Variants in OGDH observed in about 807,000 individuals in gnomAD.
The protein encoded by OGDH is 2-oxoglutarate dehydrogenase complex component E1.
A neutral mutation model predicts 116.6 loss-of-function variants in OGDH; 38 were observed. The ratio of observed to expected loss-of-function variants is 0.33; its 90% CI spans 0.25 to 0.43. The LOEUF (loss-of-function observed/expected upper bound fraction) is 0.43, where lower values mean the gene tolerates loss of function less well. Among genes scored for constraint, OGDH ranks in the 20% least tolerant of loss-of-function variants. The pLI is 1.00. For missense variants in OGDH, 825 were observed against 1,357.2 expected (o/e 0.61, Z 6.16); for synonymous variants, 488 against 533.3 (o/e 0.92, Z 1.17).
rs984777036 is a variant in OGDH at position 44,707,210 on chromosome 7, G to A, written c.2633-15G>A. 6 of 1,613,396 alleles carry A rather than the reference G, an allele frequency of 3.7e-6. No individual in the cohort carries two copies. In the African/African-American group the frequency reaches 8.0e-5, roughly 22 times the overall value. On this transcript the variant is annotated splice_polypyrimidine_tract_variant and intron_variant, in intron 20 of 22. Coordinates refer to ENST00000222673, the MANE Select transcript of OGDH (RefSeq NM_002541.4). The surrounding 1 kb of genome is among the most constrained non-coding windows in gnomAD (Gnocchi z 5.2). ...ACCTGAGAGAACCAGCCTAGCCATG[G>A]GAACTCTCTTGTAGGAACCCACTTC... is the stretch of plus-strand genomic sequence containing the variant.
In OGDH at chr7:44,637,232, TCTC is replaced by T. The variant is rs1259481199; in HGVS notation, c.223-8088_223-8086del. Among the ~76,000 whole-genome samples the T allele has an allele frequency of 3.9e-5, 6 of 152,248 alleles. No individual in the cohort carries two copies. In the East Asian group the frequency reaches 9.6e-4, roughly 24 times the overall value. ...ATTCTCTTTGGCCAAATGTCTTCTCTCTCCTCCTCAGGCTCTGCAGGCCTTACC... is the reference window on the plus strand; with the variant it reads ...ATTCTCTTTGGCCAAATGTCTTCTCTCTCCTCAGGCTCTGCAGGCCTTACC... On this transcript the variant is annotated intron_variant, in intron 2 of 22. Transcript: ENST00000222673.
intron 2 of OGDH, among the ~76,000 whole-genome samples, chr7:44,632,200 A>C (rs1449371350): frequency 6.6e-6 from 1 of 152,154 alleles, no homozygotes; most frequent in Admixed American, 6.5e-5. Context: ...TGGGATCCCC[A>C]AGAGCAGGAG....
chr7:44,627,023 G>A (rs886224376), intron 2 of OGDH, among the ~76,000 whole-genome samples: 1 of 152,110 alleles, frequency 6.6e-6, no homozygotes, highest in Admixed American at 6.5e-5. Flanking sequence ...TTGAGATGGA[G>A]TCTCACTCTG....
chr7:44,681,833 G>A lies in OGDH; in HGVS notation c.1320G>A (p.Val440=), dbSNP rs1290774389. 6.2e-7 allele frequency: 1 copy of A among 1,614,138 alleles called. No homozygotes were observed. The highest frequency in any genetic ancestry group is 8.5e-7 in the Non-Finnish European group (1 of 1,180,042). ...PSYTTHGTVH[V]VVNNQIGFTT... ...ACACAACTCATGGCACCGTGCACGT[G>A]GTCGTCAACAACCAGGTACCTCACA... Residue 440 remains valine, a synonymous_variant, in exon 10 of 23, where the codon GTG becomes GTA. Coordinates refer to ENST00000222673, the MANE Select transcript of OGDH (RefSeq NM_002541.4).
intron 2 of OGDH, among the ~76,000 whole-genome samples, chr7:44,641,226 T>C (rs1451280830): frequency 1.5e-4 from 12 of 80,112 alleles, no homozygotes; most frequent in South Asian, 1.5e-3. Context: ...TTTTTTTTTC[T>C]TTTTTTTTTT....
In OGDH at chr7:44,647,707, T is replaced by C. The variant is rs1224733821; in HGVS notation, c.465T>C (p.Ala155=). 6.2e-7 allele frequency: 1 copy of C among 1,614,142 alleles called. No homozygotes were observed. The highest frequency in any genetic ancestry group is 1.7e-5 in the Admixed American group (1 of 60,010). ...TGGACCCCCTGGGGATTTTGGATGC[T>C]GATCTGGACTCCTCCGTGCCCGCTG... is the stretch of plus-strand genomic sequence containing the variant. ...AQLDPLGILD[A]DLDSSVPADI... Residue 155 remains alanine (A), a synonymous_variant, in exon 4 of 23, where the codon GCT becomes GCC. Coordinates refer to ENST00000222673, the MANE Select transcript of OGDH (RefSeq NM_002541.4).
At chr7:44,672,497 C>T (rs1411222120) in intron 5 of OGDH, among the ~76,000 whole-genome samples, 1 of 152,114 alleles carries the variant, frequency 6.6e-6, no homozygotes, top group African/African-American at 2.4e-5. Context: ...CACATTAGGG[C>T]CTATCTTCTT....
intron 10 of OGDH, among the ~76,000 whole-genome samples, chr7:44,689,134 T>G (rs911590407): frequency 8.5e-5 from 13 of 152,070 alleles, no homozygotes; most frequent in Non-Finnish European, 1.9e-4. Context: ...GTGTTCAACT[T>G]TTTGTGGAAA....
intron 2 of OGDH, among the ~76,000 whole-genome samples, chr7:44,625,740 A>G (rs1308400507): frequency 6.6e-6 from 1 of 152,178 alleles, no homozygotes; most frequent in Non-Finnish European, 1.5e-5. Flanking sequence ...GCTTATCACC[A>G]AAAGGAAGTC....
chr7:44,672,092 AATT>A (rs1435920904), intron 5 of OGDH, among the ~76,000 whole-genome samples: 3 of 151,894 alleles, frequency 2.0e-5, no homozygotes, highest in African/African-American at 7.3e-5. Flanking sequence ...TTAATTAATT[AATT>A]AAAAAAAAAA....
chr7:44,705,838 T>C (rs552718623), intron 20 of OGDH, among the ~76,000 whole-genome samples: 4 of 152,362 alleles, frequency 2.6e-5, no homozygotes, highest in African/African-American at 9.6e-5. Flanking sequence ...GGTATTAGGG[T>C]GTCCGTCACC....
In OGDH at chr7:44,619,919, C is replaced by T. The variant is rs563523749; in HGVS notation, c.-27-4398C>T. Among the ~76,000 whole-genome samples the T allele has an allele frequency of 7.2e-4, 110 of 152,158 alleles. 2 individuals carry two copies. The highest frequency in any genetic ancestry group is 2.6e-3 in the African/African-American group (106 of 41,520). ...TTTTTACTGTTGCATTATGAGAGTT[C>T]TTTATATATTCTGTATATAAGTTCC... On this transcript the variant is annotated intron_variant, in intron 1 of 22. Coordinates refer to ENST00000222673, the MANE Select transcript of OGDH (RefSeq NM_002541.4).
chr7:44,626,303 C>T (rs1243721670), intron 2 of OGDH, among the ~76,000 whole-genome samples: 2 of 142,814 alleles, frequency 1.4e-5, no homozygotes, highest in Non-Finnish European at 3.0e-5. Context: ...ACACACACAC[C>T]CCTACACACA....
chr7:44,647,373 C>G, intron 3 of OGDH: 3 of 1,022,096 alleles, frequency 2.9e-6, no homozygotes, highest in Non-Finnish European at 4.4e-6. Flanking sequence ...TTTGCATAAC[C>G]TGTGACTCTT....
intron 2 of OGDH, among the ~76,000 whole-genome samples, chr7:44,641,738 A>T (rs971955964): frequency 6.6e-6 from 1 of 152,198 alleles, no homozygotes; most frequent in African/African-American, 2.4e-5. Flanking sequence ...TGTCCAATGC[A>T]TGTGGTCCCC....
chr7:44,631,014 G>T (rs1785416737), intron 2 of OGDH, among the ~76,000 whole-genome samples: 1 of 152,164 alleles, frequency 6.6e-6, no homozygotes, highest in Admixed American at 6.5e-5. Context: ...ATGCTCGCTT[G>T]CCGCTCACTT....
chr7:44,621,284 G>A (rs1170780205), intron 1 of OGDH, among the ~76,000 whole-genome samples: 1 of 152,080 alleles, frequency 6.6e-6, no homozygotes, highest in East Asian at 1.9e-4. Flanking sequence ...ATGTTGCCCG[G>A]GCTGGTCTCA....
At chr7:44,661,249 C>T (rs145206435) in intron 4 of OGDH, among the ~76,000 whole-genome samples, 4 of 152,282 alleles carry the variant, frequency 2.6e-5, no homozygotes, top group Admixed American at 6.5e-5. Flanking sequence ...GTTACTTCAT[C>T]TCATATTAAT....
At position 44,707,970 on chromosome 7, in the gene OGDH, G is replaced by A. The variant is rs750524536; in HGVS notation, c.3043G>A (p.Asp1015Asn). The A allele has an allele frequency of 6.8e-6, 11 of 1,613,674 alleles. No homozygotes were observed. The highest frequency in any genetic ancestry group is 3.3e-4 in the Middle Eastern group (2 of 6,062). The change falls in exon 23 of 23, where the codon GAC becomes AAC. Residue 1015 changes from aspartate (D) to asparagine (N), a missense_variant. Asp to Asn is a conservative substitution (Grantham distance 23, BLOSUM62 1). Transcript: ENST00000222673. The surrounding 1 kb of genome is among the most constrained non-coding windows in gnomAD (Gnocchi z 5.2). ...ELQRLLDTAFDLDVFKNFS is the reference protein window; with the variant it reads ...ELQRLLDTAFNLDVFKNFS ...GCAGCGCCTCCTGGACACGGCCTTCGACCTGGACGTCTTCAAGAACTTCTC... is the reference window on the plus strand; with the variant it reads ...GCAGCGCCTCCTGGACACGGCCTTCAACCTGGACGTCTTCAAGAACTTCTC...
Sources: gnomAD v4.1 joint callset for allele counts (sites outside exome capture counted in the v4.1 genomes callset) on GRCh38, gnomAD v4.1.1 for gene constraint, Gnocchi (gnomAD v3.1) non-coding constraint, MANE v1.5 for transcripts, NCBI Gene and HGNC (gene_info 2026-07-23, HGNC 2026-07-21) for gene names.